ACCSL: variants seen among roughly 807,000 people sequenced by gnomAD.
The protein encoded by ACCSL is 1-aminocyclopropane-1-carboxylate synthase homolog (inactive) like, also known as probable inactive 1-aminocyclopropane-1-carboxylate synthase-like protein 2.
ACCSL carries 55 observed loss-of-function variants against 61.7 expected under a neutral mutation model. The observed-to-expected ratio is 0.89, with a 90% CI of 0.72 to 1.12. The LOEUF is 1.12. Ranked by LOEUF, ACCSL falls within the 50% of genes most tolerant of loss-of-function variation. The probability of loss-of-function intolerance (pLI) is 0.00; values close to 1 mark genes in which losing one functional copy is unlikely to be tolerated. For synonymous variants in ACCSL, 258 were observed against 264.3 expected (o/e 0.98, Z 0.23); for missense variants, 632 against 698.0 (o/e 0.91, Z 1.07).
At chr11:44,049,172 C>A (rs1211145118) in intron 1 of ACCSL, among the ~76,000 whole-genome samples, 14 of 152,120 alleles carry the variant, frequency 9.2e-5, no homozygotes. Flanking sequence ...GTAATCCCAG[C>A]ACTTTGGGAG....
chr11:44,055,393 C>A, intron 9 of ACCSL, 102 bp downstream of exon 9: 1 of 787,532 alleles, frequency 1.3e-6, no homozygotes, highest in South Asian at 1.8e-5. Context: ...TAGCACATAG[C>A]CAGTTAACTG....
chr11:44,053,211 C>A, intron 7 of ACCSL, 143 bp downstream of exon 7: 1 of 845,074 alleles, frequency 1.2e-6, no homozygotes, highest in Non-Finnish European at 1.9e-6. Flanking sequence ...AGGGGTGTGT[C>A]CCTCTAGTCC....
the ACCSL span, among the ~76,000 whole-genome samples, chr11:44,007,785 A>T: frequency 6.6e-6 from 1 of 151,748 alleles, no homozygotes; most frequent in Non-Finnish European, 1.5e-5. Flanking sequence ...TACATGAGAC[A>T]ACGGAAGGAT....
chr11:44,030,336 G>A, the ACCSL span, among the ~76,000 whole-genome samples: 16 of 151,274 alleles, frequency 1.1e-4, no homozygotes, highest in African/African-American at 4.9e-5. Context: ...AGATTGTAGA[G>A]CCCCACTCTC....
chr11:44,021,440 CT>C, the ACCSL span, among the ~76,000 whole-genome samples: 12 of 152,132 alleles, frequency 7.9e-5, no homozygotes, highest in Non-Finnish European at 1.5e-5. Flanking sequence ...TATTCATGTC[CT>C]TTGTCCACTT....
the ACCSL span, among the ~76,000 whole-genome samples, chr11:44,001,945 C>A: frequency 7.0e-5 from 9 of 128,512 alleles, no homozygotes; most frequent in East Asian, 1.6e-3. Flanking sequence ...CCCCGCTGCA[C>A]CCTGGTGACA....
chr11:43,955,911 G>A, the ACCSL span, among the ~76,000 whole-genome samples: 53 of 151,430 alleles, frequency 3.5e-4, no homozygotes, highest in Non-Finnish European at 6.8e-4. Context: ...GCTTGGCCTC[G>A]GCTCAGGAAT....
At chr11:44,051,125 GC>G (rs1487420118) in intron 3 of ACCSL, among the ~76,000 whole-genome samples, 4 of 152,242 alleles carry the variant, frequency 2.6e-5, no homozygotes, top group Non-Finnish European at 5.9e-5. Flanking sequence ...ACAGGCATGA[GC>G]CACTGTGCCC....
At chr11:44,007,716 G>T in the ACCSL span, among the ~76,000 whole-genome samples, 1 of 152,324 alleles carries the variant, frequency 6.6e-6, no homozygotes, top group East Asian at 1.9e-4. Context: ...CCTCAGGGAG[G>T]CTCCTCCTCT....
At chr11:44,031,823 C>T in the ACCSL span, among the ~76,000 whole-genome samples, 1 of 152,140 alleles carries the variant, frequency 6.6e-6, no homozygotes, top group Non-Finnish European at 1.5e-5. Context: ...AAGACACAGC[C>T]TTAGTGTGGA....
At chr11:43,957,784 G>A in the ACCSL span, among the ~76,000 whole-genome samples, 5 of 152,280 alleles carry the variant, frequency 3.3e-5, no homozygotes, top group East Asian at 9.6e-4. Flanking sequence ...TGTTAATGCT[G>A]GTCAGTTGTG....
the ACCSL span, chr11:43,943,922 A>G: frequency 9.6e-6 from 11 of 1,150,646 alleles, 1 homozygote; most frequent in South Asian, 1.3e-4. This position sits in a 1 kb window ranked among gnomAD's most constrained non-coding sequence, Gnocchi z 4.8. Context: ...TTCGGGGTCC[A>G]GGCTCCCAAG....
the ACCSL span, among the ~76,000 whole-genome samples, chr11:43,978,902 T>G: frequency 6.6e-6 from 1 of 151,950 alleles, no homozygotes; most frequent in Admixed American, 6.6e-5. Flanking sequence ...GTTTTCATTT[T>G]TTAATTACTT....
At chr11:44,051,572 C>T (rs1952639301) in intron 4 of ACCSL, 81 bp from the exon 5 acceptor site, 7 of 1,576,992 alleles carry the variant, frequency 4.4e-6, no homozygotes, top group Middle Eastern at 1.7e-4. Context: ...CCTGTTCTGC[C>T]CAGGGGGATG....
the ACCSL span, among the ~76,000 whole-genome samples, chr11:44,025,869 C>T: frequency 6.6e-6 from 1 of 152,182 alleles, no homozygotes; most frequent in Non-Finnish European, 1.5e-5. Context: ...ATGTTATCCC[C>T]ATGCCTTCTG....
chr11:43,925,605 C>T, the ACCSL span: 1 of 384,028 alleles, frequency 2.6e-6, no homozygotes, highest in East Asian at 7.4e-5. Context: ...CTTACGGTCA[C>T]AGTACTGCCT....
the ACCSL span, among the ~76,000 whole-genome samples, chr11:43,967,178 T>C: frequency 1.4e-4 from 18 of 127,000 alleles, no homozygotes; most frequent in Middle Eastern, 3.3e-3. Context: ...TTTTTTTTTT[T>C]TTTTTTTTTT....
chr11:43,959,849 C>T, the ACCSL span, among the ~76,000 whole-genome samples: 1 of 152,164 alleles, frequency 6.6e-6, no homozygotes, highest in African/African-American at 2.4e-5. Flanking sequence ...CATTCCTCTT[C>T]CCGCACTTGG....
the ACCSL span, among the ~76,000 whole-genome samples, chr11:43,954,225 G>A: frequency 2.6e-5 from 4 of 152,204 alleles, no homozygotes; most frequent in Non-Finnish European, 4.4e-5. Context: ...TCATACCGAA[G>A]CGGCCTCATT....
Sources: gnomAD v4.1 joint callset for allele counts (sites outside exome capture counted in the v4.1 genomes callset) on GRCh38, gnomAD v4.1.1 for gene constraint, Gnocchi (gnomAD v3.1) non-coding constraint, MANE v1.5 for transcripts, NCBI Gene and HGNC (gene_info 2026-07-23, HGNC 2026-07-21) for gene names.